The following KIZ variants were observed in gnomAD, a reference collection of about 807,000 sequenced individuals.
KIZ encodes kizuna centrosomal protein, also known as centrosomal protein kizuna.
KIZ carries 68 observed loss-of-function variants against 79.6 expected under a neutral mutation model. That is an observed-to-expected ratio of 0.85 (90% CI 0.70 to 1.05). The LOEUF (loss-of-function observed/expected upper bound fraction) is 1.05. Among genes scored for constraint, KIZ ranks in the 50% least tolerant of loss-of-function variants. The pLI is 0.00. For missense variants in KIZ, 797 were observed against 800.4 expected (o/e 1.00, Z 0.05); for synonymous variants, 280 against 281.8 (o/e 0.99, Z 0.06).
intron 6 of KIZ, among the ~76,000 whole-genome samples, chr20:21,201,764 A>G (rs2035609652): frequency 6.6e-6 from 1 of 152,228 alleles, no homozygotes; most frequent in Admixed American, 6.5e-5. Context: ...TTTCCAACGT[A>G]AATTAGACAA....
intron 6 of KIZ, among the ~76,000 whole-genome samples, chr20:21,192,711 C>A (rs561540136): frequency 6.6e-6 from 1 of 152,214 alleles, no homozygotes; most frequent in Admixed American, 6.5e-5. Flanking sequence ...TATCCAGTAA[C>A]CCATTGGGGT....
At chr20:21,164,205 T>C (rs1324346181) in intron 6 of KIZ, among the ~76,000 whole-genome samples, 3 of 152,230 alleles carry the variant, frequency 2.0e-5, no homozygotes, top group Non-Finnish European at 4.4e-5. Flanking sequence ...TAGAACACCA[T>C]TGTACCTTTT....
chr20:21,171,639 T>G (rs2034209999), intron 6 of KIZ, among the ~76,000 whole-genome samples: 1 of 152,184 alleles, frequency 6.6e-6, no homozygotes, highest in Non-Finnish European at 1.5e-5. Flanking sequence ...GAGATAGGGT[T>G]TCACCATGTT....
chr20:21,245,163 T>C (rs1278951965), intron 12 of KIZ: 1 of 152,210 alleles, frequency 6.6e-6, no homozygotes, highest in Non-Finnish European at 1.5e-5. Flanking sequence ...AACAAAAATA[T>C]TCGCTGTTTA....
chr20:21,179,214 T>TG (rs1348425352), intron 6 of KIZ, among the ~76,000 whole-genome samples: 1 of 150,794 alleles, frequency 6.6e-6, no homozygotes, highest in Non-Finnish European at 1.5e-5. Flanking sequence ...TTTTTGTTTT[T>TG]TTTTTTTTTT....
intron 6 of KIZ, among the ~76,000 whole-genome samples, chr20:21,170,687 C>T (rs1463353202): frequency 4.6e-5 from 7 of 152,258 alleles, no homozygotes; most frequent in South Asian, 2.1e-4. Context: ...CACGCCCGGC[C>T]ATCAAATACT....
At chr20:21,132,061 A>G in intron 1 of KIZ, 36 bp from the exon 2 acceptor site, 1 of 866,916 alleles carries the variant, frequency 1.2e-6, no homozygotes, top group South Asian at 1.6e-5. Context: ...CCTGTTACTT[A>G]TCATGTAATT....
intron 11 of KIZ, among the ~76,000 whole-genome samples, chr20:21,236,038 C>G (rs2036995992): frequency 6.6e-6 from 1 of 152,224 alleles, no homozygotes; most frequent in Non-Finnish European, 1.5e-5. Context: ...TGGCACATCT[C>G]CATTCTTAAA....
chr20:21,158,535 T>A (rs1244484717), intron 4 of KIZ: 2 of 152,204 alleles, frequency 1.3e-5, no homozygotes, highest in African/African-American at 2.4e-5. Flanking sequence ...ATCTATAGAA[T>A]AGGATAATAT....
intron 3 of KIZ, among the ~76,000 whole-genome samples, chr20:21,141,803 A>G (rs1326976470): frequency 8.7e-6 from 1 of 114,436 alleles, no homozygotes; most frequent in Non-Finnish European, 1.8e-5. Context: ...CTCCCAACAC[A>G]CACACACACA....
intron 6 of KIZ, among the ~76,000 whole-genome samples, chr20:21,169,155 C>A (rs1600439427): frequency 6.6e-6 from 1 of 151,472 alleles, no homozygotes; most frequent in Non-Finnish European, 1.5e-5. Context: ...CAACCTACAG[C>A]ATGGGAGAAA....
At chr20:21,188,116 A>G (rs1488759465) in intron 6 of KIZ, among the ~76,000 whole-genome samples, 1 of 152,204 alleles carries the variant, frequency 6.6e-6, no homozygotes, top group Non-Finnish European at 1.5e-5. Context: ...AAAGCCAGCC[A>G]TAAAACCTAA....
intron 6 of KIZ, among the ~76,000 whole-genome samples, chr20:21,181,659 A>G (rs541291592): frequency 1.2e-4 from 18 of 152,170 alleles, no homozygotes; most frequent in African/African-American, 4.1e-4. Flanking sequence ...TGGTTTTACC[A>G]TGTTGCCCAG....
chr20:21,203,164 C>T (rs1408642100), intron 6 of KIZ, among the ~76,000 whole-genome samples: 4 of 152,216 alleles, frequency 2.6e-5, no homozygotes, highest in Admixed American at 2.6e-4. Context: ...CCACATATTA[C>T]AATTGGCTAT....
intron 9 of KIZ, among the ~76,000 whole-genome samples, chr20:21,222,847 A>G (rs1441517325): frequency 6.6e-6 from 1 of 152,184 alleles, no homozygotes; most frequent in East Asian, 1.9e-4. Flanking sequence ...AACCTTAACT[A>G]ATATATCTGT....
At chr20:21,204,584 C>A (rs915548208) in intron 6 of KIZ, among the ~76,000 whole-genome samples, 2 of 152,026 alleles carry the variant, frequency 1.3e-5, no homozygotes, top group Non-Finnish European at 2.9e-5. Flanking sequence ...ACAGTGGGAG[C>A]TTCCTAAGAT....
intron 6 of KIZ, among the ~76,000 whole-genome samples, chr20:21,169,642 C>A (rs113928087): frequency 2.0e-5 from 3 of 152,180 alleles, no homozygotes; most frequent in South Asian, 4.2e-4. Flanking sequence ...ATGTTTGTTG[C>A]GGCACTATTC....
intron 4 of KIZ, among the ~76,000 whole-genome samples, chr20:21,150,085 A>G (rs1028203651): frequency 1.3e-5 from 2 of 152,178 alleles, no homozygotes; most frequent in African/African-American, 4.8e-5. Context: ...TGCCTCAGGG[A>G]TATCCCATTC....
intron 4 of KIZ, among the ~76,000 whole-genome samples, chr20:21,147,018 C>T (rs539033891): frequency 2.6e-5 from 4 of 152,236 alleles, no homozygotes; most frequent in East Asian, 1.9e-4. Flanking sequence ...ATTTGATATT[C>T]GGTCATGAAA....
Sources: gnomAD v4.1 joint callset for allele counts (sites outside exome capture counted in the v4.1 genomes callset) on GRCh38, gnomAD v4.1.1 for gene constraint, MANE v1.5 for transcripts, NCBI Gene and HGNC (gene_info 2026-07-23, HGNC 2026-07-21) for gene names.